The following KIAA0319 variants were observed in gnomAD, a reference collection of about 807,000 sequenced individuals.
KIAA0319 encodes dyslexia-associated protein KIAA0319.
Under a neutral mutation model 108.4 loss-of-function variants are expected in KIAA0319, and 83 were observed. The observed-to-expected ratio is 0.77, with a 90% CI of 0.64 to 0.92. The LOEUF (loss-of-function observed/expected upper bound fraction) is 0.92. Ranked by LOEUF, KIAA0319 falls within the 40% of genes least tolerant of loss-of-function variation. The pLI, the probability that KIAA0319 is intolerant of heterozygous loss-of-function variation, is 0.00. For missense variants in KIAA0319, 1,195 were observed against 1,322.4 expected, an observed-to-expected ratio of 0.90 and a Z score of 1.49; for synonymous variants, 484 against 510.4, an observed-to-expected ratio of 0.95 and a Z score of 0.70.
chr6:24,593,742 A>G (rs1243329810), intron 3 of KIAA0319, among the ~76,000 whole-genome samples: 1 of 152,026 alleles, frequency 6.6e-6, no homozygotes, highest in Non-Finnish European at 1.5e-5. Flanking sequence ...CAAAGAACTA[A>G]TGAGCCAAAA....
chr6:24,643,575 G>T (rs910081592), intron 1 of KIAA0319, among the ~76,000 whole-genome samples: 1 of 152,070 alleles, frequency 6.6e-6, no homozygotes, highest in African/African-American at 2.4e-5. Flanking sequence ...TATTGTTGCT[G>T]TTATAAAGGT....
At chr6:24,579,487 A>G (rs1328392539) in intron 8 of KIAA0319, among the ~76,000 whole-genome samples, 2 of 143,134 alleles carry the variant, frequency 1.4e-5, no homozygotes, top group Admixed American at 7.1e-5. Flanking sequence ...TATATATCTC[A>G]TATATCTTAT....
intron 1 of KIAA0319, among the ~76,000 whole-genome samples, chr6:24,623,375 A>G (rs1391419358): frequency 6.6e-6 from 1 of 152,192 alleles, no homozygotes; most frequent in East Asian, 1.9e-4. Flanking sequence ...GGAAGAAGTG[A>G]AGAAATAATA....
At chr6:24,602,119 G>A (rs13208577) in intron 1 of KIAA0319, among the ~76,000 whole-genome samples, 5,181 of 151,906 alleles carry the variant, frequency 0.034, 136 homozygotes, top group Middle Eastern at 0.085. Flanking sequence ...CTGGGTTCAA[G>A]TGATTCTTGT....
chr6:24,588,608 T>A lies in KIAA0319; in HGVS notation c.979A>T (p.Thr327Ser). The change falls in exon 4 of 21, where the codon ACT becomes TCT. Residue 327 changes from threonine to serine, a missense_variant. By Grantham distance (58) the Thr-to-Ser change is moderately conservative (BLOSUM62 1). Transcript: ENST00000378214. The stretch of plus-strand genomic sequence containing the variant: ...TAAAAGTTACCTGTCCTGGGAGCAG[T>A]GGTAGGAGATATGGGTAGCTCAGAT... Reference protein sequence around the residue: ...TPSELPISPTTAPRTVKELTV... With the variant: ...TPSELPISPTSAPRTVKELTV... 6.2e-7 allele frequency: 1 copy of A among 1,613,248 alleles called. No individual in the cohort carries two copies. Among genetic ancestry groups the A allele is most frequent in the Non-Finnish European group, 8.5e-7 (1 of 1,179,374 alleles).
intron 13 of KIAA0319, among the ~76,000 whole-genome samples, chr6:24,566,965 C>T (rs556593944): frequency 4.6e-5 from 7 of 152,056 alleles, no homozygotes; most frequent in South Asian, 2.1e-4. Context: ...GGGATGAAAA[C>T]GGTAAAGCAG....
chr6:24,568,857 G>T lies in KIAA0319; in HGVS notation c.2064C>A (p.Thr688=), dbSNP rs1211030844. The change falls in exon 13 of 21, where the codon ACC becomes ACA. Residue 688 remains threonine, a synonymous_variant. Coordinates refer to ENST00000378214, the MANE Select transcript of KIAA0319 (RefSeq NM_014809.4). ...IATVTGLQVG[T]YHFRLTVKDQ... Reference sequence around the variant, plus strand: ...CTTTCACTGTCAAACGGAAGTGGTAGGTCCCCACCTGGAGACCAGTCACAG... The same window carrying T: ...CTTTCACTGTCAAACGGAAGTGGTATGTCCCCACCTGGAGACCAGTCACAG... 6.2e-7 allele frequency: 1 copy of T among 1,614,142 alleles called. No individual in the cohort carries two copies. The highest frequency in any genetic ancestry group is 8.5e-7 in the Non-Finnish European group (1 of 1,180,008).
At chr6:24,581,898 C>T (rs1766607957) in intron 6 of KIAA0319, among the ~76,000 whole-genome samples, 1 of 152,202 alleles carries the variant, frequency 6.6e-6, no homozygotes, top group Admixed American at 6.5e-5. Flanking sequence ...AATCCCAACA[C>T]TTTGGGAGGC....
At chr6:24,606,555 G>A (rs1243417832) in intron 1 of KIAA0319, among the ~76,000 whole-genome samples, 1 of 152,172 alleles carries the variant, frequency 6.6e-6, no homozygotes, top group Non-Finnish European at 1.5e-5. Context: ...GACAAGGGAG[G>A]GATGAAGGTC....
At chr6:24,616,185 T>C (rs746052719) in intron 1 of KIAA0319, among the ~76,000 whole-genome samples, 33 of 152,202 alleles carry the variant, frequency 2.2e-4, no homozygotes, top group Non-Finnish European at 3.7e-4. Flanking sequence ...ATTACTGGTA[T>C]GAAAATTGAG....
At chr6:24,598,290 C>T (rs994387443) in intron 2 of KIAA0319, 4 of 652,934 alleles carry the variant, frequency 6.1e-6, no homozygotes, top group Non-Finnish European at 1.1e-5. Flanking sequence ...ACATCCAGGC[C>T]ATGTGCACCC....
At chr6:24,550,217 G>A (rs1761271119) in intron 20 of KIAA0319, among the ~76,000 whole-genome samples, 1 of 152,130 alleles carries the variant, frequency 6.6e-6, no homozygotes, top group South Asian at 2.1e-4. Flanking sequence ...AGAACTCCTT[G>A]CACTCCAGTA....
At chr6:24,596,768 C>T (rs933299153) in intron 2 of KIAA0319, 150 bp from the exon 3 acceptor site, 3 of 684,210 alleles carry the variant, frequency 4.4e-6, no homozygotes, top group African/African-American at 3.6e-5. Context: ...AAGATCACAG[C>T]AATCCATCAA....
chr6:24,560,781 G>A (rs1763004421), intron 16 of KIAA0319, among the ~76,000 whole-genome samples: 1 of 152,086 alleles, frequency 6.6e-6, no homozygotes, highest in African/African-American at 2.4e-5. Context: ...CAGTCATATT[G>A]ATTTAAAAGC....
intron 2 of KIAA0319, chr6:24,598,918 A>G: frequency 2.1e-6 from 1 of 465,960 alleles, no homozygotes; most frequent in South Asian, 2.8e-5. Context: ...TTAGCGATGG[A>G]GAATGAATTT....
chr6:24,583,546 C>T (rs1208837340), intron 5 of KIAA0319, 58 bp downstream of exon 5: 1 of 1,132,152 alleles, frequency 8.8e-7, no homozygotes, highest in Admixed American at 1.9e-5. Flanking sequence ...CCTGTAAGGA[C>T]CTGCTGAAGA....
At position 24,644,661 on chromosome 6, in the gene KIAA0319, A is replaced by G. The variant is rs946192646; in HGVS notation, c.-106+1075T>C. Among the ~76,000 whole-genome samples, 4 of 152,014 alleles carry G rather than the reference A, an allele frequency of 2.6e-5. No homozygotes were observed. The East Asian group carries it at 7.7e-4, about 29-fold the overall frequency. On this transcript the variant is annotated intron_variant, in intron 1 of 20. Transcript: ENST00000378214. ...ACAGCAACTCTATTCTTTTACATTC[A>G]TACATTACCAAAGCTCTCTTTTGGC...
intron 1 of KIAA0319, among the ~76,000 whole-genome samples, chr6:24,611,034 G>A (rs1772233343): frequency 6.6e-6 from 1 of 152,134 alleles, no homozygotes; most frequent in Non-Finnish European, 1.5e-5. Flanking sequence ...CAGTCAGGAA[G>A]AACCACATAT....
At chr6:24,645,032 A>C (rs1023849798) in intron 1 of KIAA0319, among the ~76,000 whole-genome samples, 2 of 152,224 alleles carry the variant, frequency 1.3e-5, no homozygotes, top group Non-Finnish European at 2.9e-5. Flanking sequence ...AGCATTTGGA[A>C]AGTGAGCATG....
Sources: gnomAD v4.1 joint callset for allele counts (sites outside exome capture counted in the v4.1 genomes callset) on GRCh38, gnomAD v4.1.1 for gene constraint, MANE v1.5 for transcripts, NCBI Gene and HGNC (gene_info 2026-07-23, HGNC 2026-07-21) for gene names.